Variants in LTBP1 observed in about 807,000 individuals in gnomAD.
LTBP1 encodes the protein latent-transforming growth factor beta-binding protein 1.
In LTBP1, 129 loss-of-function variants were observed where a neutral mutation model predicts 207.6. That is an observed-to-expected ratio of 0.62 (90% confidence interval 0.54 to 0.72). The LOEUF (loss-of-function observed/expected upper bound fraction) is 0.72. Ranked by LOEUF, LTBP1 falls within the 30% of genes least tolerant of loss-of-function variation. The probability of loss-of-function intolerance (pLI) is 0.00; values close to 1 mark genes in which losing one functional copy is unlikely to be tolerated. For missense variants in LTBP1, 2,281 were observed against 2,217.2 expected, an observed-to-expected ratio of 1.03 and a Z score of -0.58; for synonymous variants, 963 against 833.7, an observed-to-expected ratio of 1.16 and a Z score of -2.67.
chr2:33,067,664 A>G (rs1392715680), intron 3 of LTBP1, among the ~76,000 whole-genome samples: 1 of 152,236 alleles, frequency 6.6e-6, no homozygotes, highest in African/African-American at 2.4e-5. Context: ...ATTAGGTATT[A>G]TGAGTAATCT....
chr2:33,210,899 A>G (rs1360147405), intron 7 of LTBP1, among the ~76,000 whole-genome samples: 1 of 152,180 alleles, frequency 6.6e-6, no homozygotes, highest in African/African-American at 2.4e-5. Flanking sequence ...CTCTTGCAAG[A>G]GTTACAATGA....
intron 23 of LTBP1, among the ~76,000 whole-genome samples, chr2:33,312,399 C>T (rs1014910905): frequency 6.6e-6 from 1 of 152,156 alleles, no homozygotes; most frequent in Non-Finnish European, 1.5e-5. Context: ...GATATACAGA[C>T]AGTATGGAAA....
chr2:33,326,591 C>T (rs528756854), intron 24 of LTBP1, among the ~76,000 whole-genome samples: 3 of 150,910 alleles, frequency 2.0e-5, no homozygotes, highest in East Asian at 3.9e-4. Context: ...TATACATTTA[C>T]CCTGCTTTTT....
chr2:33,121,954 C>A (rs1469118474), intron 4 of LTBP1, among the ~76,000 whole-genome samples: 1 of 152,122 alleles, frequency 6.6e-6, no homozygotes, highest in East Asian at 1.9e-4. Flanking sequence ...ACATTTTATT[C>A]ATCCGAGAAT....
chr2:33,137,583 C>T (rs1294195150), intron 5 of LTBP1, among the ~76,000 whole-genome samples: 2 of 152,206 alleles, frequency 1.3e-5, no homozygotes, highest in Non-Finnish European at 2.9e-5. Flanking sequence ...GCTTGAGTGC[C>T]ATTCTCTAAG....
At chr2:33,393,021 A>G (rs952922688) in intron 32 of LTBP1, among the ~76,000 whole-genome samples, 15 of 151,538 alleles carry the variant, frequency 9.9e-5, no homozygotes, top group African/African-American at 3.4e-4. Context: ...CCTGCCATGG[A>G]TGTATTACTC....
At position 33,257,460 on chromosome 2, in the gene LTBP1, G is replaced by A. The variant is rs1199803073; in HGVS notation, c.2344G>A (p.Glu782Lys). The change falls in exon 12 of 34, where the codon GAG becomes AAG. Residue 782 changes from glutamate (E) to lysine (K), a missense_variant. By Grantham distance (56) the Glu-to-Lys change is moderately conservative. Around this residue, in one of 3 missense-constraint regions of LTBP1, gnomAD observed 1,671 missense variants for 1,634.8 expected, o/e 1.02. Coordinates refer to ENST00000404816, the MANE Select transcript of LTBP1 (RefSeq NM_206943.4). ...PPLPAKEEPV[E>K]ALTFSREHGP... ...TCTCCCAGCCAAGGAAGAGCCAGTG[G>A]AGGCCCTGACCTTCTCCCGGGAACA... 2 of 1,614,200 alleles carry A rather than the reference G, an allele frequency of 1.2e-6. No homozygotes were observed. The highest frequency in any genetic ancestry group is 2.2e-5 in the East Asian group (1 of 44,884).
At chr2:32,980,591 CTTCT>C (rs1186480760) in intron 2 of LTBP1, among the ~76,000 whole-genome samples, 1 of 152,140 alleles carries the variant, frequency 6.6e-6, no homozygotes, top group African/African-American at 2.4e-5. Flanking sequence ...ACTAGTTCAT[CTTCT>C]TTCTTCTGAA....
chr2:33,254,929 C>A (rs990060653), intron 11 of LTBP1, among the ~76,000 whole-genome samples: 2 of 86,892 alleles, frequency 2.3e-5, no homozygotes, highest in African/African-American at 9.0e-5. Flanking sequence ...TTGTTTCCTG[C>A]ATTTTTTTTT....
intron 5 of LTBP1, among the ~76,000 whole-genome samples, chr2:33,184,528 T>A (rs2086984527): frequency 6.6e-6 from 1 of 152,216 alleles, no homozygotes; most frequent in Admixed American, 6.5e-5. Flanking sequence ...TTATCCTAAA[T>A]GATCTCTGCT....
chr2:33,252,051 C>T (rs1289629386), intron 10 of LTBP1, among the ~76,000 whole-genome samples: 1 of 152,142 alleles, frequency 6.6e-6, no homozygotes, highest in Admixed American at 6.5e-5. Context: ...GCAGTGTTTT[C>T]CGAAGAGCTG....
intron 2 of LTBP1, among the ~76,000 whole-genome samples, chr2:32,987,840 T>C (rs957307526): frequency 3.3e-5 from 5 of 152,230 alleles, no homozygotes; most frequent in African/African-American, 1.2e-4. Context: ...AGATACCAGC[T>C]CCTAATGCCT....
intron 3 of LTBP1, among the ~76,000 whole-genome samples, chr2:33,069,419 C>A (rs925163214): frequency 6.6e-6 from 1 of 152,200 alleles, no homozygotes. Context: ...CACTTATGAT[C>A]CATTTTGATC....
intron 2 of LTBP1, among the ~76,000 whole-genome samples, chr2:32,964,467 A>AT (rs892275519): frequency 1.3e-4 from 20 of 152,158 alleles, no homozygotes; most frequent in Non-Finnish European, 1.9e-4. Flanking sequence ...GTAGAAAGGC[A>AT]TTTTTTCCCC....
intron 31 of LTBP1, among the ~76,000 whole-genome samples, chr2:33,388,372 CAA>C (rs970410375): frequency 6.6e-6 from 1 of 152,134 alleles, no homozygotes; most frequent in African/African-American, 2.4e-5. Flanking sequence ...GCAGGGGAGA[CAA>C]ATGTGAAAAC....
chr2:33,077,057 T>C (rs913126355), intron 3 of LTBP1, among the ~76,000 whole-genome samples: 3 of 152,222 alleles, frequency 2.0e-5, no homozygotes, highest in Admixed American at 2.0e-4. Flanking sequence ...TATTGCTGTT[T>C]TATAGGGAAG....
At chr2:33,098,015 T>A (rs1572624339) in intron 3 of LTBP1, among the ~76,000 whole-genome samples, 2 of 152,240 alleles carry the variant, frequency 1.3e-5, no homozygotes. Context: ...TTGATTTAAC[T>A]TTTTACAGAT....
chr2:33,064,803 A>AT (rs1008957154), intron 3 of LTBP1, among the ~76,000 whole-genome samples: 50 of 152,238 alleles, frequency 3.3e-4, no homozygotes, highest in African/African-American at 1.2e-3. Flanking sequence ...CACATGGGTA[A>AT]TTTTTTCCCA....
intron 2 of LTBP1, among the ~76,000 whole-genome samples, chr2:32,996,788 G>A (rs12994881): frequency 0.074 from 11,187 of 152,202 alleles, 506 homozygotes; most frequent in South Asian, 0.19. Context: ...CTTGCAAGGG[G>A]CAGAGCAGAA....
Sources: gnomAD v4.1 joint callset for allele counts (sites outside exome capture counted in the v4.1 genomes callset) on GRCh38, gnomAD v4.1.1 for gene constraint, gnomAD v4.1.1 regional missense constraint, MANE v1.5 for transcripts, NCBI Gene and HGNC (gene_info 2026-07-23, HGNC 2026-07-21) for gene names.